FAF1: variants seen among roughly 807,000 people sequenced by gnomAD.
The protein encoded by FAF1 is Fas associated factor 1, also known as FAS-associated factor 1.
Under a neutral mutation model 92.5 loss-of-function variants are expected in FAF1, and 25 were observed. The observed-to-expected ratio is 0.27, with a 90% CI of 0.20 to 0.38. The LOEUF (loss-of-function observed/expected upper bound fraction) is 0.38. Among genes scored for constraint, FAF1 ranks in the 10% least tolerant of loss-of-function variants. FAF1 has a pLI of 1.00. For synonymous variants in FAF1, 234 were observed against 273.2 expected, an observed-to-expected ratio of 0.86 and a Z score of 1.42; for missense variants, 636 against 793.3, an observed-to-expected ratio of 0.80 and a Z score of 2.38.
chr1:50,769,097 C>A (rs893997006), intron 4 of FAF1, among the ~76,000 whole-genome samples: 1 of 151,250 alleles, frequency 6.6e-6, no homozygotes, highest in African/African-American at 2.4e-5. Context: ...TAAACACAGT[C>A]AAAAATGACA....
At chr1:50,673,158 T>C (rs1374814210) in intron 7 of FAF1, among the ~76,000 whole-genome samples, 1 of 151,682 alleles carries the variant, frequency 6.6e-6, no homozygotes, top group Non-Finnish European at 1.5e-5. Flanking sequence ...CTCAGGAGGC[T>C]GAGGCAGGAG....
At chr1:50,589,963 C>T (rs1651425246) in intron 9 of FAF1, among the ~76,000 whole-genome samples, 1 of 152,138 alleles carries the variant, frequency 6.6e-6, no homozygotes, top group African/African-American at 2.4e-5. Flanking sequence ...GGGATTAGTG[C>T]CCTTGTCAAA....
chr1:50,570,192 A>G (rs566485094), intron 12 of FAF1, among the ~76,000 whole-genome samples: 1 of 152,366 alleles, frequency 6.6e-6, no homozygotes, highest in South Asian at 2.1e-4. Flanking sequence ...GGGCCAATTC[A>G]CAAAGCCTAG....
intron 6 of FAF1, among the ~76,000 whole-genome samples, chr1:50,727,650 A>C (rs552692051): frequency 6.6e-6 from 1 of 152,330 alleles, no homozygotes; most frequent in South Asian, 2.1e-4. Context: ...AACTTGATTG[A>C]AAGTATTGCT....
intron 6 of FAF1, among the ~76,000 whole-genome samples, chr1:50,726,358 A>G (rs1658652605): frequency 6.6e-6 from 1 of 152,168 alleles, no homozygotes; most frequent in Non-Finnish European, 1.5e-5. Context: ...ACAACTACAA[A>G]CAATGGATAC....
chr1:50,594,628 G>C (rs966093675), intron 9 of FAF1, among the ~76,000 whole-genome samples: 3 of 151,396 alleles, frequency 2.0e-5, no homozygotes, highest in Admixed American at 6.6e-5. Flanking sequence ...GGGAGGCCGG[G>C]GGGGGTGGGG....
At chr1:50,894,304 TAAAAAAAAAA>T (rs34801737) in intron 1 of FAF1, among the ~76,000 whole-genome samples, 1 of 62,984 alleles carries the variant, frequency 1.6e-5, no homozygotes, top group South Asian at 5.6e-4. Flanking sequence ...GTCTCAAAAT[TAAAAAAAAAA>T]AAAAAAAAAA....
In FAF1 at chr1:50,668,354, A is replaced by T. The variant is rs1299917066; in HGVS notation, c.658-12826T>A. ...AAATATTAAGTAAGCTCCTCCAAAG[A>T]ACAGCCCTGAGAGATACTTAAAAGT... On this transcript the variant is annotated intron_variant, in intron 7 of 18. Coordinates refer to ENST00000396153, the MANE Select transcript of FAF1 (RefSeq NM_007051.3). 2.0e-5 allele frequency among the ~76,000 whole-genome samples: 3 copies of T among 152,318 alleles called. No individual in the cohort carries two copies. In the East Asian group the frequency reaches 5.8e-4, roughly 29 times the overall value.
chr1:50,750,190 C>G (rs1271466829), intron 4 of FAF1, among the ~76,000 whole-genome samples: 1 of 152,102 alleles, frequency 6.6e-6, no homozygotes, highest in Non-Finnish European at 1.5e-5. Context: ...CTGCAGTATC[C>G]CACCCCAGGC....
chr1:50,920,366 T>C (rs544623771), intron 1 of FAF1, among the ~76,000 whole-genome samples: 1 of 151,494 alleles, frequency 6.6e-6, no homozygotes, highest in African/African-American at 2.4e-5. Context: ...ACAGCAGGCA[T>C]TACTGCTCCC....
chr1:50,952,714 C>G (rs976963342), intron 1 of FAF1, among the ~76,000 whole-genome samples: 65 of 150,906 alleles, frequency 4.3e-4, no homozygotes, highest in African/African-American at 7.6e-4. Context: ...GCGCCTCTGC[C>G]CCGCCACCCC....
Position 50,533,439 on chromosome 1 carries a change from T to C in FAF1, c.1494+1930A>G, listed in dbSNP as rs1648290924. On this transcript the variant is annotated intron_variant, in intron 15 of 18. Transcript: ENST00000396153. ...TTACTTTATTTTATGTAAATTCAAATGTTCATTTATTCAATTGCTTAACAA... is the reference window on the plus strand; with the variant it reads ...TTACTTTATTTTATGTAAATTCAAACGTTCATTTATTCAATTGCTTAACAA... Among the ~76,000 whole-genome samples the C allele has an allele frequency of 2.0e-5, 3 of 152,202 alleles. No individual in the cohort carries two copies. The South Asian group carries it at 6.2e-4, about 31-fold the overall frequency.
At position 50,464,144 on chromosome 1, in the gene FAF1, A is replaced by G. The variant is rs75392698; in HGVS notation, c.1869+11320T>C. 2.6e-5 allele frequency among the ~76,000 whole-genome samples: 4 copies of G among 152,260 alleles called. No individual in the cohort carries two copies. In the East Asian group the frequency reaches 7.7e-4, roughly 29 times the overall value. On this transcript the variant is annotated intron_variant, in intron 18 of 18. Transcript: ENST00000396153. ...CCATGTGCCATGTCTGTGTCCTCAC[A>G]TTACCTCACTTAATTCTTTATTTTT...
In FAF1 at chr1:50,935,039, T is replaced by G. The variant is rs138411700; in HGVS notation, c.45+24728A>C. 1.5e-4 allele frequency among the ~76,000 whole-genome samples: 23 copies of G among 152,328 alleles called. No individual in the cohort carries two copies. In the East Asian group the frequency reaches 4.2e-3, roughly 28 times the overall value. On this transcript the variant is annotated intron_variant, in intron 1 of 18. Coordinates refer to ENST00000396153, the MANE Select transcript of FAF1 (RefSeq NM_007051.3). ...TAAACCTACTTGGTATTCACTAAGC[T>G]TCTTAAATCTGTATATTTATGTCTC...
intron 8 of FAF1, among the ~76,000 whole-genome samples, chr1:50,596,429 T>G (rs1233850734): frequency 6.6e-6 from 1 of 152,168 alleles, no homozygotes; most frequent in South Asian, 2.1e-4. Flanking sequence ...CATTAGATGA[T>G]AGACTGAGGT....
At chr1:50,621,601 T>C (rs1425365974) in intron 8 of FAF1, among the ~76,000 whole-genome samples, 1 of 151,818 alleles carries the variant, frequency 6.6e-6, no homozygotes, top group Non-Finnish European at 1.5e-5. Flanking sequence ...GGTTTCACCA[T>C]GTTGCCCTGG....
chr1:50,898,117 A>G (rs951303551), intron 1 of FAF1, among the ~76,000 whole-genome samples: 7 of 152,188 alleles, frequency 4.6e-5, no homozygotes, highest in Non-Finnish European at 1.0e-4. Flanking sequence ...ATTAGTTTCA[A>G]GTGAAATACT....
At chr1:50,674,247 G>A (rs1656020824) in intron 7 of FAF1, among the ~76,000 whole-genome samples, 1 of 151,650 alleles carries the variant, frequency 6.6e-6, no homozygotes, top group African/African-American at 2.4e-5. Flanking sequence ...CATTGCTCCG[G>A]GCCCCAAGGC....
chr1:50,628,779 T>C (rs1049118601), intron 8 of FAF1, among the ~76,000 whole-genome samples: 8 of 152,212 alleles, frequency 5.3e-5, no homozygotes, highest in Admixed American at 2.6e-4. Context: ...ATGTGTAGCA[T>C]GCTCATCATG....
Sources: allele counts gnomAD v4.1 joint callset (sites outside exome capture counted in the v4.1 genomes callset), GRCh38; gene constraint gnomAD v4.1.1; transcripts MANE v1.5; gene names NCBI Gene and HGNC (gene_info 2026-07-23, HGNC 2026-07-21).